TPI1: variants seen among roughly 807,000 people sequenced by gnomAD.
TPI1 encodes the protein triosephosphate isomerase 1.
Under a neutral mutation model 31.0 loss-of-function variants are expected in TPI1, and 11 were observed. The ratio of observed to expected loss-of-function variants is 0.36; its 90% CI spans 0.22 to 0.59. The LOEUF (loss-of-function observed/expected upper bound fraction) is 0.59, where lower values mean the gene tolerates loss of function less well. Among genes scored for constraint, TPI1 ranks in the 20% least tolerant of loss-of-function variants. TPI1 has a pLI of 0.79. For synonymous variants in TPI1, 121 were observed against 122.8 expected (o/e 0.99, Z 0.10); for missense variants, 245 against 319.7 (o/e 0.77, Z 1.78).
chr12:6,870,452 C>T lies in TPI1; in HGVS notation c.*69C>T, dbSNP rs782061169. On this transcript the variant is annotated 3_prime_UTR_variant, in exon 7 of 7. Transcript: ENST00000396705. ...AGCAGCCCAGAAGCCCAGTAACTGC[C>T]CTTTCCCTGCATATGCTTCTGATGG... 2.5e-6 allele frequency: 3 copies of T among 1,179,096 alleles called. No homozygotes were observed. The highest frequency in any genetic ancestry group is 3.0e-5 in the African/African-American group (2 of 66,554). The allele number at this position is 1,179,096 out of a possible 1,614,324, so 73.0% of individuals were successfully genotyped here.
chr12:6,868,587 A>G lies in TPI1; in HGVS notation c.116-277A>G, dbSNP rs1944511676. On this transcript the variant is annotated intron_variant, in intron 1 of 6. Coordinates refer to ENST00000396705, the MANE Select transcript of TPI1 (RefSeq NM_000365.6). ...GAGTCTGTGAGGTGCCTATGCCGAG[A>G]ATAGCTCGAGGAAATTGGAGCCCCA... 3 of 1,338,930 alleles carry G rather than the reference A, an allele frequency of 2.2e-6. No individual in the cohort carries two copies. In the South Asian group the frequency reaches 4.4e-5, roughly 20 times the overall value. 82.9% of individuals were successfully genotyped at this position (1,338,930 alleles called of 1,614,324 possible).
At chr12:6,867,500 C>T (rs1433144878), upstream of TPI1, 1 of 1,571,986 alleles carries the variant, frequency 6.4e-7, no homozygotes, top group African/African-American at 1.4e-5. Flanking sequence ...TCGCGGCGCT[C>T]TATATAAGTG....
chr12:6,869,473 G>T, intron 4 of TPI1, 83 bp downstream of exon 4: 2 of 1,601,712 alleles, frequency 1.2e-6, no homozygotes, highest in Non-Finnish European at 1.7e-6. Flanking sequence ...AGCCTGTCTT[G>T]GTCCCCATGC....
chr12:6,868,014 G>A (rs1200393699), intron 1 of TPI1: 7 of 1,172,320 alleles, frequency 6.0e-6, no homozygotes, highest in East Asian at 4.6e-5. Flanking sequence ...GAGGCTCTGC[G>A]GGAGACCGGG....
chr12:6,868,529 G>C (rs782507925), intron 1 of TPI1: 1 of 1,283,812 alleles, frequency 7.8e-7, no homozygotes, highest in South Asian at 1.4e-5. Flanking sequence ...GGCTATTTTA[G>C]AAGGGAAGCA....
intron 2 of TPI1, 28 bp downstream of exon 2, chr12:6,869,015 G>A: frequency 1.2e-6 from 2 of 1,614,064 alleles, no homozygotes; most frequent in East Asian, 2.2e-5. Context: ...AGGGGTGTGT[G>A]GGACCCTTCC....
In TPI1 at chr12:6,867,905, T is replaced by C. The variant is rs2071065; in HGVS notation, c.115+224T>C. Among the ~76,000 whole-genome samples, 54,121 of 152,026 alleles carry C rather than the reference T, an allele frequency of 0.36. 10,359 individuals carry two copies. The highest frequency in any genetic ancestry group is 0.5 in the African/African-American group (20,862 of 41,480). ...GGAGCACATGATGCCCCTTGGACTA[T>C]GGGGCAGGTAAGGACGTTTTGGGTC... On this transcript the variant is annotated intron_variant, in intron 1 of 6. Coordinates refer to ENST00000396705, the MANE Select transcript of TPI1 (RefSeq NM_000365.6).
chr12:6,869,815 C>G, intron 5 of TPI1, 42 bp downstream of exon 5: 1 of 1,606,012 alleles, frequency 6.2e-7, no homozygotes, highest in South Asian at 1.1e-5. Context: ...CAGCCTGCCT[C>G]AATAGGTTTG....
Position 6,870,091 on chromosome 12 carries a change from A to G in TPI1, c.586A>G (p.Asn196Asp). The change falls in exon 6 of 7, where the codon AAC (asparagine) becomes GAC (aspartate). Residue 196 changes from asparagine (N) to aspartate (D), a missense_variant. By Grantham distance (23) the Asn-to-Asp change is conservative. Around this residue, in one of 3 missense-constraint regions of TPI1, gnomAD observed 127 missense variants for 163.7 expected, o/e 0.78. Transcript: ENST00000396705. Reference protein sequence around the residue: ...HEKLRGWLKSNVSDAVAQSTR... With the variant: ...HEKLRGWLKSDVSDAVAQSTR... ...GAAGCTCCGAGGATGGCTGAAGTCC[A>G]ACGTCTCTGATGCGGTGGCTCAGAG... 1 of 1,614,228 alleles carries G rather than the reference A, an allele frequency of 6.2e-7. No homozygotes were observed. The highest frequency in any genetic ancestry group is 8.5e-7 in the Non-Finnish European group (1 of 1,180,042).
rs145623271 is a variant in TPI1, at chr12:6,869,275, G to C, written c.342G>C (p.Val114=). The part of the protein sequence containing the change: ...GESDELIGQK[V]AHALAEGLGV... ...CTCAACAGCTGATTGGGCAGAAAGTGGCCCATGCTCTGGCAGAGGGACTCG... is the reference window on the plus strand; with the variant it reads ...CTCAACAGCTGATTGGGCAGAAAGTCGCCCATGCTCTGGCAGAGGGACTCG... The change falls in exon 4 of 7, where the codon GTG becomes GTC. Residue 114 remains valine, a synonymous_variant. Transcript: ENST00000396705. 7 of 1,613,980 alleles carry C rather than the reference G, an allele frequency of 4.3e-6. No homozygotes were observed. In the African/African-American group the frequency reaches 8.0e-5, roughly 18 times the overall value.
At chr12:6,869,038 G>A (rs782018940) in intron 2 of TPI1, 51 bp downstream of exon 2, 15 of 1,614,060 alleles carry the variant, frequency 9.3e-6, no homozygotes, top group African/African-American at 1.3e-5. Context: ...CACTTTCCTC[G>A]TTGAGGGGAA....
chr12:6,868,105 C>T (rs1944499062), intron 1 of TPI1: 2 of 1,272,084 alleles, frequency 1.6e-6, no homozygotes, highest in African/African-American at 1.5e-5. Flanking sequence ...CCCCAGACTC[C>T]TCCCCTTCCT....
chr12:6,868,418 C>T (rs901037110), intron 1 of TPI1: 6 of 1,288,946 alleles, frequency 4.7e-6, no homozygotes, highest in Non-Finnish European at 6.1e-6. Flanking sequence ...AAAGAGGCAT[C>T]CCCTTCTCGT....
Position 6,870,395 on chromosome 12 carries a change from C to T in TPI1, c.*12C>T. The stretch of plus-strand genomic sequence containing the variant: ...ATGCCAAACAATGAGCCCCATCCAT[C>T]TTCCCTACCCTTCCTGCCAAGCCAG... On this transcript the variant is annotated 3_prime_UTR_variant, in exon 7 of 7. Transcript: ENST00000396705. 1 of 1,585,808 alleles carries T rather than the reference C, an allele frequency of 6.3e-7. No individual in the cohort carries two copies.
intron 1 of TPI1, chr12:6,868,013 C>T: frequency 8.5e-7 from 1 of 1,171,990 alleles, no homozygotes; most frequent in Non-Finnish European, 1.1e-6. Context: ...CGAGGCTCTG[C>T]GGGAGACCGG....
At chr12:6,867,897 T>C (rs1376188237) in intron 1 of TPI1, among the ~76,000 whole-genome samples, 1 of 152,128 alleles carries the variant, frequency 6.6e-6, no homozygotes, top group African/African-American at 2.4e-5. Flanking sequence ...ATGATGCCCC[T>C]TGGACTATGG....
chr12:6,867,802 G>A (rs1364026016), intron 1 of TPI1, 121 bp downstream of exon 1: 13 of 1,113,770 alleles, frequency 1.2e-5, no homozygotes, highest in African/African-American at 5.0e-5. Flanking sequence ...CTGATGCAGG[G>A]CTGTGGGACG....
chr12:6,867,534 G>C lies in TPI1; in HGVS notation c.-33G>C. On this transcript the variant is annotated 5_prime_UTR_variant, in exon 1 of 7. Transcript: ENST00000396705. ...TGGGCAGTGGCCGCGACTGCGCGCAGACACTGACCTTCAGCGCCTCGGCTC... is the reference window on the plus strand; with the variant it reads ...TGGGCAGTGGCCGCGACTGCGCGCACACACTGACCTTCAGCGCCTCGGCTC... The C allele has an allele frequency of 3.7e-6, 6 of 1,607,384 alleles. No individual in the cohort carries two copies. Among genetic ancestry groups the C allele is most frequent in the Non-Finnish European group, 5.1e-6 (6 of 1,177,376 alleles).
chr12:6,868,655 CAG>C lies in TPI1; in HGVS notation c.116-208_116-207del, dbSNP rs1591616062. The C allele has an allele frequency of 3.8e-6, 5 of 1,331,110 alleles. No homozygotes were observed. In the East Asian group the frequency reaches 1.3e-4, roughly 35 times the overall value. 82.5% of individuals were successfully genotyped at this position (1,331,110 alleles called of 1,614,324 possible). ...GGGCAGGGTGAGGGCCGTGGCCTCT[CAG>C]GGGTATCTGGAAGGCTCTTCGAGTT... On this transcript the variant is annotated intron_variant, in intron 1 of 6. Coordinates refer to ENST00000396705, the MANE Select transcript of TPI1 (RefSeq NM_000365.6).
Sources: allele counts gnomAD v4.1 joint callset (sites outside exome capture counted in the v4.1 genomes callset), GRCh38; gene constraint gnomAD v4.1.1; regional missense constraint gnomAD v4.1.1; transcripts MANE v1.5; gene names NCBI Gene and HGNC (gene_info 2026-07-23, HGNC 2026-07-21).